Variants in FGD5 observed in about 807,000 individuals in gnomAD.
FGD5 encodes FYVE, RhoGEF and PH domain-containing protein 5.
A neutral mutation model predicts 133.4 loss-of-function variants in FGD5; 28 were observed. The observed-to-expected ratio is 0.21, with a 90% confidence interval of 0.16 to 0.29. The LOEUF (loss-of-function observed/expected upper bound fraction) is 0.29. Ranked by LOEUF, FGD5 falls within the 10% of genes least tolerant of loss-of-function variation. The pLI, the probability that FGD5 is intolerant of heterozygous loss-of-function variation, is 1.00. For synonymous variants in FGD5, 810 were observed against 776.5 expected, an observed-to-expected ratio of 1.04 and a Z score of -0.72; for missense variants, 1,858 against 1,895.2, an observed-to-expected ratio of 0.98 and a Z score of 0.36.
upstream of FGD5, among the ~76,000 whole-genome samples, chr3:14,817,111 C>G (rs2036381467): frequency 6.6e-6 from 1 of 152,098 alleles, no homozygotes; most frequent in Non-Finnish European, 1.5e-5. Flanking sequence ...TGTCAAACAC[C>G]TCATTAATAC....
intron 13 of FGD5, among the ~76,000 whole-genome samples, chr3:14,921,040 G>A (rs2038669851): frequency 6.6e-6 from 1 of 152,200 alleles, no homozygotes; most frequent in Admixed American, 6.5e-5. Flanking sequence ...CATGACTTGA[G>A]GGTGGTGACG....
intron 9 of FGD5, among the ~76,000 whole-genome samples, 160 bp from the exon 10 acceptor site, chr3:14,907,480 T>C (rs1202059762): frequency 2.0e-5 from 3 of 152,190 alleles, no homozygotes; most frequent in Non-Finnish European, 2.9e-5. Context: ...AGACCCAGGC[T>C]CGGATCCCAG....
At chr3:14,840,729 TAAAAAC>T (rs983563836) in intron 1 of FGD5, among the ~76,000 whole-genome samples, 4 of 152,182 alleles carry the variant, frequency 2.6e-5, no homozygotes, top group Non-Finnish European at 1.5e-5. Flanking sequence ...TATCTGGAGG[TAAAAAC>T]AAAAACCAAC....
At chr3:14,884,047 G>A (rs560614443) in intron 4 of FGD5, among the ~76,000 whole-genome samples, 1 of 152,318 alleles carries the variant, frequency 6.6e-6, no homozygotes, top group South Asian at 2.1e-4. Flanking sequence ...TAGGAGGTAG[G>A]ATCAGGGATC....
rs144774500 is a variant in FGD5 at position 14,851,718 on chromosome 3, C to T, written c.2526-12410C>T. Among the ~76,000 whole-genome samples, 32 of 151,882 alleles carry T rather than the reference C, an allele frequency of 2.1e-4. No homozygotes were observed. In the East Asian group the frequency reaches 5.8e-3, roughly 28 times the overall value. ...TGAAGATCTTCTAAAAGTTTAAATT[C>T]CCCCCCACCCCCACTAGACTTCTGA... On this transcript the variant is annotated intron_variant, in intron 1 of 19. Coordinates refer to ENST00000285046, the MANE Select transcript of FGD5 (RefSeq NM_152536.4).
At chr3:14,928,499 C>T (rs2038851952) in intron 18 of FGD5, among the ~76,000 whole-genome samples, 1 of 152,084 alleles carries the variant, frequency 6.6e-6, no homozygotes, top group African/African-American at 2.4e-5. Context: ...AATCCCAGCC[C>T]TTTGAGAGGC....
chr3:14,900,768 C>T (rs2038222974), intron 8 of FGD5, among the ~76,000 whole-genome samples: 1 of 152,174 alleles, frequency 6.6e-6, no homozygotes, highest in Non-Finnish European at 1.5e-5. Flanking sequence ...TCCCTGTTTC[C>T]TCCCAATTCG....
intron 1 of FGD5, among the ~76,000 whole-genome samples, chr3:14,856,391 A>G (rs1265542948): frequency 6.6e-6 from 1 of 152,028 alleles, no homozygotes; most frequent in African/African-American, 2.4e-5. Context: ...TAGAATTTTA[A>G]TTTCTGTTTC....
In FGD5 at chr3:14,895,606, C is replaced by A. The variant is rs139392761; in HGVS notation, c.2749-1903C>A. ...GTTTGTTTTATGAGACAGGGTCTTG[C>A]TCTGTCACCCAGGCTGGAGTGCAGT... On this transcript the variant is annotated intron_variant, in intron 4 of 19. Coordinates refer to ENST00000285046, the MANE Select transcript of FGD5 (RefSeq NM_152536.4). Among the ~76,000 whole-genome samples the A allele has an allele frequency of 2.1e-3, 313 of 152,124 alleles. 3 individuals are homozygous for A. Among genetic ancestry groups the A allele is most frequent in the African/African-American group, 7.3e-3 (301 of 41,486 alleles).
At position 14,820,455 on chromosome 3, in the gene FGD5, T is replaced by C. The variant is rs777153543; in HGVS notation, c.1384T>C (p.Leu462=). The C allele has an allele frequency of 1.9e-6, 3 of 1,613,648 alleles. No individual in the cohort carries two copies. Among genetic ancestry groups the C allele is most frequent in the South Asian group, 1.1e-5 (1 of 91,084 alleles). The part of the protein sequence containing the change: ...ALGGYGSKEE[L]NCEAEGGLVP... ...GGGTGGTTATGGCTCGAAAGAAGAATTGAACTGTGAGGCAGAGGGTGGCCT... is the reference window on the plus strand; with the variant it reads ...GGGTGGTTATGGCTCGAAAGAAGAACTGAACTGTGAGGCAGAGGGTGGCCT... The change falls in exon 1 of 20, where the codon TTG becomes CTG. Residue 462 remains leucine (L), a synonymous_variant. Coordinates refer to ENST00000285046, the MANE Select transcript of FGD5 (RefSeq NM_152536.4).
intron 13 of FGD5, 22 bp from the exon 14 acceptor site, chr3:14,921,896 T>A: frequency 6.4e-7 from 1 of 1,554,638 alleles, no homozygotes; most frequent in Non-Finnish European, 8.7e-7. Context: ...CTGCCTTTGC[T>A]CACTCCAGCC....
At chr3:14,833,051 A>C (rs542169680) in intron 1 of FGD5, among the ~76,000 whole-genome samples, 1 of 152,210 alleles carries the variant, frequency 6.6e-6, no homozygotes, top group Admixed American at 6.5e-5. Context: ...CTGAGCGACG[A>C]ATTAATGTGT....
intron 1 of FGD5, among the ~76,000 whole-genome samples, chr3:14,825,064 C>T (rs948342140): frequency 5.9e-5 from 9 of 152,124 alleles, no homozygotes; most frequent in South Asian, 2.1e-4. Flanking sequence ...AAGTATCTCC[C>T]TTCAAGAAAC....
intron 1 of FGD5, among the ~76,000 whole-genome samples, chr3:14,844,740 A>G (rs1267587905): frequency 1.3e-5 from 2 of 152,080 alleles, no homozygotes; most frequent in East Asian, 3.9e-4. Flanking sequence ...GATAATTCCT[A>G]TCTCATAGAC....
At chr3:14,927,108 TAAAC>T (rs1223901114) in intron 18 of FGD5, among the ~76,000 whole-genome samples, 13 of 152,184 alleles carry the variant, frequency 8.5e-5, no homozygotes, top group Non-Finnish European at 1.6e-4. Context: ...GAGCCATACT[TAAAC>T]ACTTAGCAAG....
Position 14,898,029 on chromosome 3 carries a change from C to T in FGD5, c.3000C>T (p.Tyr1000=). 1.2e-6 allele frequency: 2 copies of T among 1,613,950 alleles called. No homozygotes were observed. The highest frequency in any genetic ancestry group is 8.5e-7 in the Non-Finnish European group (1 of 1,179,884). ...HATHILQFDR[Y]LGLLSENCLH... The stretch of plus-strand genomic sequence containing the variant: ...CTCACATCCTGCAGTTCGACAGGTA[C>T]CTAGGTCTGCTCAGTGAGAATTGCC... The change falls in exon 6 of 20, where the codon TAC becomes TAT. Residue 1000 remains tyrosine, a synonymous_variant. Transcript: ENST00000285046.
rs1009735480 is a variant in FGD5, at chr3:14,923,185, G to A, written c.3937+10G>A. On this transcript the variant is annotated intron_variant, in intron 16 of 19. Transcript: ENST00000285046. Reference sequence around the variant, plus strand: ...CCGGGCCTGATGAGAGGTAACCTGGGGACCACTTGCCTTCTTCCAAGTGGC... The same window carrying A: ...CCGGGCCTGATGAGAGGTAACCTGGAGACCACTTGCCTTCTTCCAAGTGGC... 4 of 1,609,658 alleles carry A rather than the reference G, an allele frequency of 2.5e-6. No individual in the cohort carries two copies. Among genetic ancestry groups the A allele is most frequent in the Admixed American group, 1.7e-5 (1 of 59,476 alleles).
chr3:14,879,823 A>T (rs930439250), intron 2 of FGD5, among the ~76,000 whole-genome samples: 1 of 152,130 alleles, frequency 6.6e-6, no homozygotes, highest in Non-Finnish European at 1.5e-5. Flanking sequence ...GATGACTGGG[A>T]GTTAGCCAGG....
intron 10 of FGD5, 117 bp from the exon 11 acceptor site, chr3:14,910,744 C>T: frequency 4.8e-6 from 4 of 841,224 alleles, no homozygotes; most frequent in East Asian, 2.7e-5. Flanking sequence ...TCAGGGGCCT[C>T]CCCTGCACCC....
Sources: gnomAD v4.1 joint callset for allele counts (sites outside exome capture counted in the v4.1 genomes callset) on GRCh38, gnomAD v4.1.1 for gene constraint, MANE v1.5 for transcripts, NCBI Gene and HGNC (gene_info 2026-07-23, HGNC 2026-07-21) for gene names.